NEBL: variants seen among roughly 807,000 people sequenced by gnomAD.
NEBL encodes the protein LIM and SH3 protein 2.
NEBL carries 122 observed loss-of-function variants against 140.2 expected under a neutral mutation model. That is an observed-to-expected ratio of 0.87 (90% confidence interval 0.75 to 1.01). NEBL has a LOEUF of 1.01. Among genes scored for constraint, NEBL ranks in the 50% least tolerant of loss-of-function variants. The pLI, the probability that NEBL is intolerant of heterozygous loss-of-function variation, is 0.00. For synonymous variants in NEBL, 436 were observed against 398.9 expected (o/e 1.09, Z -1.11); for missense variants, 1,365 against 1,231.3 (o/e 1.11, Z -1.62).
At chr10:20,933,868 A>G (rs1055476186) in intron 4 of NEBL, among the ~76,000 whole-genome samples, 6 of 152,202 alleles carry the variant, frequency 3.9e-5, no homozygotes, top group Admixed American at 2.0e-4. Flanking sequence ...GACGGTTCTT[A>G]TCTTGGGGAG....
At chr10:21,251,310 T>C (rs747564182) in intron 2 of NEBL, among the ~76,000 whole-genome samples, 2 of 152,216 alleles carry the variant, frequency 1.3e-5, no homozygotes, top group African/African-American at 4.8e-5. Flanking sequence ...CCCTCATCCC[T>C]CTTGGTAGCT....
At chr10:21,244,550 G>C (rs2132267548) in intron 3 of NEBL, among the ~76,000 whole-genome samples, 1 of 151,774 alleles carries the variant, frequency 6.6e-6, no homozygotes, top group Admixed American at 6.6e-5. Context: ...TGCTTGGAAG[G>C]CTGAGACAGG....
chr10:21,074,043 C>T (rs1031639114), intron 2 of NEBL, among the ~76,000 whole-genome samples: 18 of 152,142 alleles, frequency 1.2e-4, no homozygotes, highest in Non-Finnish European at 1.5e-5. Flanking sequence ...CCACTGCACT[C>T]CAGCCTGGGC....
At chr10:21,160,137 T>C (rs1375098661) in intron 2 of NEBL, among the ~76,000 whole-genome samples, 1 of 152,092 alleles carries the variant, frequency 6.6e-6, no homozygotes, top group Non-Finnish European at 1.5e-5. Context: ...TCTTTTACAG[T>C]CAATCAACAC....
At chr10:20,797,504 A>G (rs923808895) in intron 26 of NEBL, among the ~76,000 whole-genome samples, 17 of 152,162 alleles carry the variant, frequency 1.1e-4, no homozygotes, top group African/African-American at 3.9e-4. Context: ...GCACATATAT[A>G]TTTTCCAACA....
At chr10:20,885,278 A>T (rs1364042556) in intron 4 of NEBL, among the ~76,000 whole-genome samples, 2 of 152,346 alleles carry the variant, frequency 1.3e-5, no homozygotes, top group East Asian at 3.9e-4. Flanking sequence ...AAACTCTAAG[A>T]ATCACAATTT....
At chr10:21,141,858 T>C (rs1340987160) in intron 2 of NEBL, among the ~76,000 whole-genome samples, 5 of 152,210 alleles carry the variant, frequency 3.3e-5, no homozygotes, top group Non-Finnish European at 7.3e-5. Context: ...CAAATACCTG[T>C]CCCAAGGTTC....
chr10:20,799,924 CGT>C (rs145863273), intron 26 of NEBL, among the ~76,000 whole-genome samples: 8,412 of 149,126 alleles, frequency 0.056, 664 homozygotes, highest in African/African-American at 0.17. Flanking sequence ...CCATCTGGCA[CGT>C]GTGTGTGTGT....
At chr10:21,245,938 G>T (rs1000816580) in intron 3 of NEBL, among the ~76,000 whole-genome samples, 1 of 151,968 alleles carries the variant, frequency 6.6e-6, no homozygotes. Context: ...CTCGTGATCC[G>T]CCCGCCTCAG....
chr10:20,802,758 G>T (rs1837235271), intron 26 of NEBL, among the ~76,000 whole-genome samples: 1 of 152,084 alleles, frequency 6.6e-6, no homozygotes, highest in Non-Finnish European at 1.5e-5. Context: ...CTCGAAAGAA[G>T]GAACGAAAAC....
At chr10:20,797,693 T>C (rs1836688208) in intron 26 of NEBL, among the ~76,000 whole-genome samples, 1 of 152,144 alleles carries the variant, frequency 6.6e-6, no homozygotes, top group Non-Finnish European at 1.5e-5. Flanking sequence ...ACAGGTTGAC[T>C]GCACACAATC....
At chr10:20,879,463 A>T (rs184717879) in intron 5 of NEBL, among the ~76,000 whole-genome samples, 78 of 152,370 alleles carry the variant, frequency 5.1e-4, no homozygotes, top group Admixed American at 5.9e-4. Context: ...TATGTTAGAA[A>T]AGTGCTCTGC....
chr10:21,222,965 G>T (rs933535105), intron 3 of NEBL, among the ~76,000 whole-genome samples: 1 of 152,218 alleles, frequency 6.6e-6, no homozygotes, highest in Non-Finnish European at 1.5e-5. Flanking sequence ...GTTACAGCAT[G>T]TTGGCCAGGC....
chr10:20,991,863 C>T (rs951545424), intron 3 of NEBL, among the ~76,000 whole-genome samples: 1 of 147,836 alleles, frequency 6.8e-6, no homozygotes, highest in African/African-American at 2.5e-5. Context: ...TGAGAACATG[C>T]AGTGTTTGGT....
In NEBL at chr10:20,897,101, CTGAGTA is replaced by C. The variant is rs754861562; in HGVS notation, c.81+18_81+23del. On this transcript the variant is annotated intron_variant, in intron 1 of 27. Coordinates refer to ENST00000377122, the MANE Select transcript of NEBL (RefSeq NM_006393.3). ...TCAATTTAGAGGAACAAACGCTGGT[CTGAGTA>C]TGTGTTTTCTCACTCACCTGGTCTT... 8 of 1,589,962 alleles carry C rather than the reference CTGAGTA, an allele frequency of 5.0e-6. No individual in the cohort carries two copies. The Admixed American group carries it at 1.2e-4, about 23-fold the overall frequency.
intron 3 of NEBL, among the ~76,000 whole-genome samples, chr10:21,199,869 A>G (rs1380761353): frequency 6.6e-6 from 1 of 152,224 alleles, no homozygotes; most frequent in East Asian, 1.9e-4. Flanking sequence ...CAAGGTATCA[A>G]GACTCCAGTC....
chr10:21,223,513 A>C (rs1305281274), intron 3 of NEBL, among the ~76,000 whole-genome samples: 3 of 152,212 alleles, frequency 2.0e-5, no homozygotes, highest in Non-Finnish European at 4.4e-5. Context: ...ATAAACATGG[A>C]GTGCAGAGAT....
intron 1 of NEBL, among the ~76,000 whole-genome samples, chr10:21,252,999 C>T (rs1371460400): frequency 1.3e-5 from 2 of 152,040 alleles, no homozygotes; most frequent in Admixed American, 6.6e-5. Flanking sequence ...TGGCTGCTAA[C>T]GCCTGTAATC....
At chr10:21,265,206 A>T (rs1842784903) in intron 1 of NEBL, among the ~76,000 whole-genome samples, 1 of 152,122 alleles carries the variant, frequency 6.6e-6, no homozygotes, top group South Asian at 2.1e-4. Flanking sequence ...TACAGGTGTG[A>T]GCCACCGCAC....
Sources: allele counts gnomAD v4.1 joint callset (sites outside exome capture counted in the v4.1 genomes callset), GRCh38; gene constraint gnomAD v4.1.1; transcripts MANE v1.5; gene names NCBI Gene and HGNC (gene_info 2026-07-23, HGNC 2026-07-21).